The following PCDHB3 variants were observed in gnomAD, a reference collection of about 807,000 sequenced individuals.
PCDHB3 encodes the protein protocadherin beta-3.
For missense variants in PCDHB3, 967 were observed against 1,012.1 expected, an observed-to-expected ratio of 0.96 and a Z score of 0.60; for synonymous variants, 479 against 456.0, an observed-to-expected ratio of 1.05 and a Z score of -0.64.
At position 141,101,314 on chromosome 5, in the gene PCDHB3, G is replaced by T; in HGVS notation, c.665G>T (p.Arg222Leu). The T allele has an allele frequency of 6.2e-7, 1 of 1,613,996 alleles. No homozygotes were observed. The highest frequency in any genetic ancestry group is 8.5e-7 in the Non-Finnish European group (1 of 1,180,000). ...GCGCTGGACGGCGGCTCTCCCCCTCGGTCTGGGACAGCCCAGATAAACATC... is the reference window on the plus strand; with the variant it reads ...GCGCTGGACGGCGGCTCTCCCCCTCTGTCTGGGACAGCCCAGATAAACATC... ...LTALDGGSPP[R>L]SGTAQINIQV... Residue 222 changes from arginine to leucine, a missense_variant, in exon 1 of 1, where the codon CGG becomes CTG. By Grantham distance (102) the Arg-to-Leu change is moderately radical. Transcript: ENST00000231130.
In PCDHB3 at chr5:141,102,745, C is replaced by T. The variant is rs1554272666; in HGVS notation, c.2096C>T (p.Ser699Leu). ...YLVVALASVS[S>L]LFLFSVLLFV... ...GTGGTGGCATTGGCCTCGGTGTCTT[C>T]GCTCTTCCTCTTTTCGGTGCTCCTG... The change falls in exon 1 of 1, where the codon TCG (serine) becomes TTG (leucine). Residue 699 changes from serine (S) to leucine (L), a missense_variant. Coordinates refer to ENST00000231130, the MANE Select transcript of PCDHB3 (RefSeq NM_018937.5). 6.2e-7 allele frequency: 1 copy of T among 1,611,882 alleles called. No homozygotes were observed. The highest frequency in any genetic ancestry group is 8.5e-7 in the Non-Finnish European group (1 of 1,179,712).
At position 141,102,448 on chromosome 5, in the gene PCDHB3, C is replaced by T. The variant is rs782248894; in HGVS notation, c.1799C>T (p.Ala600Val). ...VAVDGDSGQN[A>V]WLSYQLLKAT... ...GTGGACGGCGACTCGGGCCAGAACG[C>T]CTGGCTGTCGTACCAGCTGCTCAAG... Residue 600 changes from alanine (A) to valine (V), a missense_variant, in exon 1 of 1, where the codon GCC (alanine) becomes GTC (valine). Physicochemically the swap from Ala to Val is moderately conservative, Grantham distance 64. Transcript: ENST00000231130. The T allele has an allele frequency of 6.2e-7, 1 of 1,610,226 alleles. No homozygotes were observed. The highest frequency in any genetic ancestry group is 8.5e-7 in the Non-Finnish European group (1 of 1,179,614).
Position 141,102,002 on chromosome 5 carries a change from C to G in PCDHB3, c.1353C>G (p.Phe451Leu). ...ACGTCAATGACAACGCCCCCGCCTT[C>G]ACCCAAATCTCCTACACCCTGTTCG... Reference protein sequence around the residue: ...VSDVNDNAPAFTQISYTLFVR... With the variant: ...VSDVNDNAPALTQISYTLFVR... The change falls in exon 1 of 1, where the codon TTC (phenylalanine) becomes TTG (leucine). Residue 451 changes from phenylalanine to leucine, a missense_variant. Coordinates refer to ENST00000231130, the MANE Select transcript of PCDHB3 (RefSeq NM_018937.5). The G allele has an allele frequency of 6.2e-7, 1 of 1,613,352 alleles. No homozygotes were observed. The highest frequency in any genetic ancestry group is 2.2e-5 in the East Asian group (1 of 44,884).
In PCDHB3 at chr5:141,103,276, T is replaced by C. The variant is rs1554272760; in HGVS notation, c.*236T>C. The C allele has an allele frequency of 4.6e-6, 2 of 433,200 alleles. No homozygotes were observed. Among genetic ancestry groups the C allele is most frequent in the Non-Finnish European group, 8.0e-6 (2 of 250,082 alleles). The allele number at this position is 433,200 out of a possible 1,614,324, so 26.8% of individuals were successfully genotyped here. ...TCCTTAGTCGATAGAACATTTTGTT[T>C]ATATATTGATTCTACTTTTTCTGTA... On this transcript the variant is annotated 3_prime_UTR_variant, in exon 1 of 1. Coordinates refer to ENST00000231130, the MANE Select transcript of PCDHB3 (RefSeq NM_018937.5).
In PCDHB3 at chr5:141,102,413, G is replaced by A. The variant is rs1311915862; in HGVS notation, c.1764G>A (p.Lys588=). 3 of 1,610,674 alleles carry A rather than the reference G, an allele frequency of 1.9e-6. No individual in the cohort carries two copies. Among genetic ancestry groups the A allele is most frequent in the Admixed American group, 3.3e-5 (2 of 59,976 alleles). The change falls in exon 1 of 1, where the codon AAG becomes AAA. Residue 588 remains lysine, a synonymous_variant. Coordinates refer to ENST00000231130, the MANE Select transcript of PCDHB3 (RefSeq NM_018937.5). ...RAAEPGYLVT[K]VVAVDGDSGQ... is the part of the protein sequence containing the mutation. The stretch of plus-strand genomic sequence containing the variant: ...CTGAGCCGGGCTACCTGGTGACCAA[G>A]GTGGTGGCGGTGGACGGCGACTCGG...
chr5:141,102,279 G>T lies in PCDHB3; in HGVS notation c.1630G>T (p.Glu544Ter). ...CCGTGGCTCCCCGGCTTTGAGCAGC[G>T]AGGCGCTGGTGCGCGTGCTGGTGCT... ...TDRGSPALSS[E>*]ALVRVLVLDA... The change falls in exon 1 of 1, where the codon GAG becomes TAG. Residue 544 changes from glutamate to a stop codon, truncating the protein, a stop_gained. Transcript: ENST00000231130. LOFTEE classifies it low-confidence loss of function (END_TRUNC). 1 of 1,611,898 alleles carries T rather than the reference G, an allele frequency of 6.2e-7. No individual in the cohort carries two copies. The highest frequency in any genetic ancestry group is 8.5e-7 in the Non-Finnish European group (1 of 1,179,784).
At position 141,102,813 on chromosome 5, in the gene PCDHB3, G is replaced by T. The variant is rs571400326; in HGVS notation, c.2164G>T (p.Val722Leu). Residue 722 changes from valine (V) to leucine (L), a missense_variant, in exon 1 of 1, where the codon GTG (valine) becomes TTG (leucine). Val to Leu is a conservative substitution (Grantham distance 32). Coordinates refer to ENST00000231130, the MANE Select transcript of PCDHB3 (RefSeq NM_018937.5). ...GTGCAGGAGGAGCAGGGCGGCCTCG[G>T]TGGGTCGCTGCTCGGTGCCCGAGGG... ...RLCRRSRAAS[V>L]GRCSVPEGPF... 1 of 1,612,472 alleles carries T rather than the reference G, an allele frequency of 6.2e-7. No individual in the cohort carries two copies. Among genetic ancestry groups the T allele is most frequent in the Admixed American group, 1.7e-5 (1 of 60,024 alleles).
rs1751990341 is a variant in PCDHB3, at chr5:141,102,722, G to A, written c.2073G>A (p.Val691=). 6.2e-7 allele frequency: 1 copy of A among 1,611,800 alleles called. No homozygotes were observed. Among genetic ancestry groups the A allele is most frequent in the Admixed American group, 1.7e-5 (1 of 60,000 alleles). ...AQADLLTVYL[V]VALASVSSLF... is the part of the protein sequence containing the mutation. The stretch of plus-strand genomic sequence containing the variant: ...CCGACTTGCTCACCGTCTACCTGGT[G>A]GTGGCATTGGCCTCGGTGTCTTCGC... The change falls in exon 1 of 1, where the codon GTG becomes GTA. Residue 691 remains valine, a synonymous_variant. Coordinates refer to ENST00000231130, the MANE Select transcript of PCDHB3 (RefSeq NM_018937.5).
At position 141,103,751 on chromosome 5, in the gene PCDHB3, G is replaced by C. The variant is rs1169484276; in HGVS notation, c.*711G>C. ...ATGGACACAAATATAGACTAATATG[G>C]GTAATTACCCTTTGGTTTATCTAAA... On this transcript the variant is annotated 3_prime_UTR_variant, in exon 1 of 1. Transcript: ENST00000231130. 1 of 152,034 alleles carries C rather than the reference G, an allele frequency of 6.6e-6. No individual in the cohort carries two copies. Among genetic ancestry groups the C allele is most frequent in the African/African-American group, 2.4e-5 (1 of 41,390 alleles). The allele number at this position is 152,034 out of a possible 1,614,324, so 9.4% of individuals were successfully genotyped here.
Position 141,102,899 on chromosome 5 carries a change from G to A in PCDHB3, c.2250G>A (p.Gln750=), listed in dbSNP as rs31848. The part of the protein sequence containing the change: ...SGTGTLSQSY[Q]YEVCLTGGSG... ...CCGGGACCCTGTCCCAGAGCTACCA[G>A]TACGAGGTGTGTCTGACTGGAGGCT... is the stretch of plus-strand genomic sequence containing the variant. Residue 750 remains glutamine, a synonymous_variant, in exon 1 of 1, where the codon CAG becomes CAA. Transcript: ENST00000231130. 923,704 of 1,589,888 alleles carry A rather than the reference G, an allele frequency of 0.58. 270,517 individuals carry two copies. Among genetic ancestry groups the A allele is most frequent in the African/African-American group, 0.92 (68,936 of 74,770 alleles).
chr5:141,102,492 T>C lies in PCDHB3; in HGVS notation c.1843T>C (p.Phe615Leu), dbSNP rs1554272587. The change falls in exon 1 of 1, where the codon TTC becomes CTC. Residue 615 changes from phenylalanine (F) to leucine (L), a missense_variant. Coordinates refer to ENST00000231130, the MANE Select transcript of PCDHB3 (RefSeq NM_018937.5). ...QLLKATEPGL[F>L]GVWAHNGEVR... ...GCTCAAGGCCACGGAGCCCGGGCTGTTCGGCGTGTGGGCGCACAATGGCGA... is the reference window on the plus strand; with the variant it reads ...GCTCAAGGCCACGGAGCCCGGGCTGCTCGGCGTGTGGGCGCACAATGGCGA... The C allele has an allele frequency of 6.2e-7, 1 of 1,609,026 alleles. No homozygotes were observed. The highest frequency in any genetic ancestry group is 1.1e-5 in the South Asian group (1 of 90,946).
chr5:141,101,570 G>C lies in PCDHB3; in HGVS notation c.921G>C (p.Leu307Phe), dbSNP rs1554272314. The C allele has an allele frequency of 1.2e-6, 2 of 1,614,136 alleles. No homozygotes were observed. The highest frequency in any genetic ancestry group is 2.2e-5 in the South Asian group (2 of 91,060). Reference protein sequence around the residue: ...ITGDMQLVKYLNFEAINSYEV... With the variant: ...ITGDMQLVKYFNFEAINSYEV... ...GTGATATGCAACTGGTCAAATATTT[G>C]AATTTTGAAGCGATTAATAGTTATG... Residue 307 changes from leucine (L) to phenylalanine (F), a missense_variant, in exon 1 of 1, where the codon TTG becomes TTC. Physicochemically the swap from Leu to Phe is conservative, Grantham distance 22 (BLOSUM62 0). Transcript: ENST00000231130.
chr5:141,101,818 CCTT>C lies in PCDHB3; in HGVS notation c.1174_1176del (p.Phe392del). 1 of 1,614,078 alleles carries C rather than the reference CCTT, an allele frequency of 6.2e-7. No individual in the cohort carries two copies. The highest frequency in any genetic ancestry group is 8.5e-7 in the Non-Finnish European group (1 of 1,180,022). ...ATGTGTTCCATTGAGAACAATCTCCCCTTCTTCCTGAAACCATCTGTAGAGAAT... is the reference window on the plus strand; with the variant it reads ...ATGTGTTCCATTGAGAACAATCTCCCCTTCCTGAAACCATCTGTAGAGAAT... On this transcript the variant is annotated inframe_deletion, in exon 1 of 1. Coordinates refer to ENST00000231130, the MANE Select transcript of PCDHB3 (RefSeq NM_018937.5).
In PCDHB3 at chr5:141,102,237, C is replaced by G. The variant is rs782128580; in HGVS notation, c.1588C>G (p.Arg530Gly). ...DYEALQAFEF[R>G]VGATDRGSPA... ...CGAGGCCCTGCAGGCGTTCGAGTTC[C>G]GCGTGGGCGCCACAGACCGTGGCTC... Residue 530 changes from arginine (R) to glycine (G), a missense_variant, in exon 1 of 1, where the codon CGC (arginine) becomes GGC (glycine). By Grantham distance (125) the Arg-to-Gly change is moderately radical (BLOSUM62 -2). Coordinates refer to ENST00000231130, the MANE Select transcript of PCDHB3 (RefSeq NM_018937.5). 6.2e-6 allele frequency: 10 copies of G among 1,612,390 alleles called. No homozygotes were observed. The East Asian group carries it at 2.2e-4, about 36-fold the overall frequency.
At position 141,102,283 on chromosome 5, in the gene PCDHB3, C is replaced by T. The variant is rs782625686; in HGVS notation, c.1634C>T (p.Ala545Val). Residue 545 changes from alanine to valine, a missense_variant, in exon 1 of 1, where the codon GCG (alanine) becomes GTG (valine). Transcript: ENST00000231130. ...DRGSPALSSE[A>V]LVRVLVLDAN... Reference sequence around the variant, plus strand: ...GGCTCCCCGGCTTTGAGCAGCGAGGCGCTGGTGCGCGTGCTGGTGCTGGAC... The same window carrying T: ...GGCTCCCCGGCTTTGAGCAGCGAGGTGCTGGTGCGCGTGCTGGTGCTGGAC... 9 of 1,611,856 alleles carry T rather than the reference C, an allele frequency of 5.6e-6. No homozygotes were observed. Among genetic ancestry groups the T allele is most frequent in the Non-Finnish European group, 7.6e-6 (9 of 1,179,764 alleles).
In PCDHB3 at chr5:141,101,369, A is replaced by G; in HGVS notation, c.720A>G (p.Pro240=). ...IQVLDINDNA[P]EFAQPLYEVA... is the part of the protein sequence containing the mutation. ...TCTTAGATATAAACGACAATGCACC[A>G]GAATTTGCACAGCCGCTCTATGAGG... Residue 240 remains proline, a synonymous_variant, in exon 1 of 1, where the codon CCA becomes CCG. Transcript: ENST00000231130. The G allele has an allele frequency of 1.9e-6, 3 of 1,614,178 alleles. No homozygotes were observed. Among genetic ancestry groups the G allele is most frequent in the Non-Finnish European group, 2.5e-6 (3 of 1,180,032 alleles).
In PCDHB3 at chr5:141,101,985, G is replaced by A. The variant is rs1554272427; in HGVS notation, c.1336G>A (p.Asp446Asn). ...NITVLVSDVN[D>N]NAPAFTQISY... is the part of the protein sequence containing the mutation. The stretch of plus-strand genomic sequence containing the variant: ...AACCGTGCTGGTCTCCGACGTCAAT[G>A]ACAACGCCCCCGCCTTCACCCAAAT... The change falls in exon 1 of 1, where the codon GAC (aspartate) becomes AAC (asparagine). Residue 446 changes from aspartate (D) to asparagine (N), a missense_variant. Transcript: ENST00000231130. 1 of 1,613,470 alleles carries A rather than the reference G, an allele frequency of 6.2e-7. No individual in the cohort carries two copies. The highest frequency in any genetic ancestry group is 1.3e-5 in the African/African-American group (1 of 75,002).
In PCDHB3 at chr5:141,102,239, C is replaced by T; in HGVS notation, c.1590C>T (p.Arg530=). The change falls in exon 1 of 1, where the codon CGC becomes CGT. Residue 530 remains arginine, a synonymous_variant. Coordinates refer to ENST00000231130, the MANE Select transcript of PCDHB3 (RefSeq NM_018937.5). ...DYEALQAFEF[R]VGATDRGSPA... Reference sequence around the variant, plus strand: ...AGGCCCTGCAGGCGTTCGAGTTCCGCGTGGGCGCCACAGACCGTGGCTCCC... The same window carrying T: ...AGGCCCTGCAGGCGTTCGAGTTCCGTGTGGGCGCCACAGACCGTGGCTCCC... 6.2e-7 allele frequency: 1 copy of T among 1,612,474 alleles called. No homozygotes were observed. The highest frequency in any genetic ancestry group is 8.5e-7 in the Non-Finnish European group (1 of 1,179,878).
At position 141,101,283 on chromosome 5, in the gene PCDHB3, C is replaced by G; in HGVS notation, c.634C>G (p.Leu212Val). 2 of 1,614,210 alleles carry G rather than the reference C, an allele frequency of 1.2e-6. No individual in the cohort carries two copies. The highest frequency in any genetic ancestry group is 8.5e-7 in the Non-Finnish European group (1 of 1,180,038). Reference protein sequence around the residue: ...PEEQPELSLTLTALDGGSPPR... With the variant: ...PEEQPELSLTVTALDGGSPPR... ...GGAGCAGCCGGAACTCAGCTTAACG[C>G]TCACCGCGCTGGACGGCGGCTCTCC... Residue 212 changes from leucine (L) to valine (V), a missense_variant, in exon 1 of 1, where the codon CTC becomes GTC. Leu to Val is a conservative substitution (Grantham distance 32). Transcript: ENST00000231130.
Sources: allele counts gnomAD v4.1 joint callset, GRCh38; gene constraint gnomAD v4.1.1; transcripts MANE v1.5; gene names NCBI Gene and HGNC (gene_info 2026-07-23, HGNC 2026-07-21).